Variants in DPP4 observed in about 807,000 individuals in gnomAD.
The protein encoded by DPP4 is dipeptidyl peptidase 4, also known as ADCP-2.
In DPP4, 93 loss-of-function variants were observed where a neutral mutation model predicts 122.4. That is an observed-to-expected ratio of 0.76 (90% CI 0.64 to 0.90). DPP4 has a LOEUF of 0.90. Among genes scored for constraint, DPP4 ranks in the 40% least tolerant of loss-of-function variants. The pLI, the probability that DPP4 is intolerant of heterozygous loss-of-function variation, is 0.00. For synonymous variants in DPP4, 321 were observed against 302.9 expected (o/e 1.06, Z -0.62); for missense variants, 914 against 907.3 (o/e 1.01, Z -0.09).
chr2:162,043,536 C>T (rs1299606199), intron 5 of DPP4, among the ~76,000 whole-genome samples: 1 of 152,190 alleles, frequency 6.6e-6, no homozygotes, highest in Non-Finnish European at 1.5e-5. Flanking sequence ...CGTGGCTGGC[C>T]AACTAAGGGC....
chr2:162,047,452 G>A lies in DPP4; in HGVS notation c.144C>T (p.Tyr48=), dbSNP rs1307894243. ...ACTTCAGTCTATAAGTATTTTTTAA[G>A]TAATCAGTTAGAGTGTAAGTTTTGC... ...DSRKTYTLTD[Y]LKNTYRLKLY... Residue 48 remains tyrosine, a synonymous_variant, in exon 3 of 26, where the codon TAC becomes TAT. Transcript: ENST00000360534. 1 of 1,589,298 alleles carries A rather than the reference G, an allele frequency of 6.3e-7. No individual in the cohort carries two copies. The highest frequency in any genetic ancestry group is 2.3e-5 in the East Asian group (1 of 44,436).
chr2:162,073,929 G>A, intron 1 of DPP4, 47 bp downstream of exon 1: 1 of 1,608,242 alleles, frequency 6.2e-7, no homozygotes, highest in South Asian at 1.1e-5. Flanking sequence ...GTTTGGCGAA[G>A]AGGTCCCCAC....
intron 10 of DPP4, among the ~76,000 whole-genome samples, chr2:162,030,913 C>T (rs934707507): frequency 4.6e-5 from 7 of 152,164 alleles, no homozygotes; most frequent in Admixed American, 2.6e-4. Flanking sequence ...AACTTATTGA[C>T]GAATTCACAT....
intron 23 of DPP4, among the ~76,000 whole-genome samples, chr2:161,999,224 T>G (rs1393223201): frequency 6.6e-6 from 1 of 152,176 alleles, no homozygotes; most frequent in Non-Finnish European, 1.5e-5. Context: ...TATGGCACAC[T>G]TTAAGCTGTA....
intron 2 of DPP4, among the ~76,000 whole-genome samples, chr2:162,061,006 CTCCTTCCTTCCT>C (rs1235608036): frequency 7.4e-5 from 6 of 81,470 alleles, no homozygotes; most frequent in African/African-American, 2.5e-4. Flanking sequence ...CCCTCCCTCC[CTCCTTCCTTCCT>C]TCCTTCCTTC....
At chr2:162,006,102 G>A (rs776036255) in intron 22 of DPP4, among the ~76,000 whole-genome samples, 2 of 152,118 alleles carry the variant, frequency 1.3e-5, no homozygotes, top group Non-Finnish European at 2.9e-5. Context: ...TTTCCCTTAC[G>A]ATGGGGCAAA....
chr2:162,068,972 C>T (rs749583537), intron 2 of DPP4, among the ~76,000 whole-genome samples: 1 of 152,110 alleles, frequency 6.6e-6, no homozygotes, highest in Non-Finnish European at 1.5e-5. Flanking sequence ...ATCCTTCAGC[C>T]CCAGTCAGGC....
intron 20 of DPP4, among the ~76,000 whole-genome samples, chr2:162,010,847 A>G (rs1444933143): frequency 6.6e-6 from 1 of 152,078 alleles, no homozygotes; most frequent in Non-Finnish European, 1.5e-5. Flanking sequence ...TTCATCATTC[A>G]TGGATCCTTC....
intron 2 of DPP4, among the ~76,000 whole-genome samples, chr2:162,052,577 A>G (rs1393256955): frequency 1.3e-5 from 2 of 152,180 alleles, no homozygotes; most frequent in Admixed American, 6.5e-5. Context: ...AGACAAATGG[A>G]CCTAGAAAGA....
At chr2:162,057,545 A>T (rs1183137979) in intron 2 of DPP4, among the ~76,000 whole-genome samples, 1 of 152,186 alleles carries the variant, frequency 6.6e-6, no homozygotes, top group East Asian at 1.9e-4. Flanking sequence ...CAGCAGTAGC[A>T]CCTGCTCCAG....
chr2:162,047,622 C>G (rs1009411320), intron 2 of DPP4, 121 bp from the exon 3 acceptor site: 2 of 564,810 alleles, frequency 3.5e-6, no homozygotes, highest in African/African-American at 1.9e-5. Context: ...AATATACTCA[C>G]AAAATGCAAG....
intron 2 of DPP4, among the ~76,000 whole-genome samples, chr2:162,053,093 G>A (rs916887383): frequency 6.6e-6 from 1 of 152,198 alleles, no homozygotes; most frequent in African/African-American, 2.4e-5. Context: ...TAATCATAAG[G>A]GAAGATTTGG....
chr2:162,037,421 A>G (rs1683817730), intron 8 of DPP4, among the ~76,000 whole-genome samples: 1 of 152,182 alleles, frequency 6.6e-6, no homozygotes, highest in Non-Finnish European at 1.5e-5. Context: ...GGACATGAAA[A>G]GTTATCTTTC....
chr2:162,052,318 CAA>C (rs35326408), intron 2 of DPP4, among the ~76,000 whole-genome samples: 1,138 of 64,778 alleles, frequency 0.018, 7 homozygotes, highest in East Asian at 0.068. Flanking sequence ...AACTCCATCT[CAA>C]AAAAAAAAAA....
chr2:162,071,212 T>C (rs910931758), intron 2 of DPP4, among the ~76,000 whole-genome samples: 2 of 152,174 alleles, frequency 1.3e-5, no homozygotes, highest in Admixed American at 6.5e-5. Context: ...GGGCCCTGGA[T>C]CCTTTTATAA....
At chr2:162,054,590 C>T (rs1268836281) in intron 2 of DPP4, among the ~76,000 whole-genome samples, 5 of 152,124 alleles carry the variant, frequency 3.3e-5, no homozygotes, top group Non-Finnish European at 1.5e-5. Flanking sequence ...GCTCCCCACT[C>T]ATGAATGGTT....
intron 10 of DPP4, among the ~76,000 whole-genome samples, chr2:162,029,208 T>C (rs944418292): frequency 4.6e-5 from 7 of 152,230 alleles, no homozygotes; most frequent in Non-Finnish European, 1.0e-4. Flanking sequence ...TAAATGTTTG[T>C]TGGGTAATAT....
chr2:162,033,061 T>G (rs982782270), intron 10 of DPP4, among the ~76,000 whole-genome samples: 4 of 152,196 alleles, frequency 2.6e-5, no homozygotes, highest in African/African-American at 9.6e-5. Flanking sequence ...CAAGCACATC[T>G]CCTCTGCAGG....
Position 162,057,189 on chromosome 2 carries a change from T to G in DPP4, c.95-9688A>C, listed in dbSNP as rs143881667. On this transcript the variant is annotated intron_variant, in intron 2 of 25. Transcript: ENST00000360534. The stretch of plus-strand genomic sequence containing the variant: ...GGCTGTTCCTGTGACTATGAAATTC[T>G]CTATTGCAATATCACTGTCACAGTG... 2.9e-4 allele frequency among the ~76,000 whole-genome samples: 44 copies of G among 152,330 alleles called. No homozygotes were observed. In the East Asian group the frequency reaches 4.1e-3, roughly 14 times the overall value.
Sources: gnomAD v4.1 joint callset for allele counts (sites outside exome capture counted in the v4.1 genomes callset) on GRCh38, gnomAD v4.1.1 for gene constraint, MANE v1.5 for transcripts, NCBI Gene and HGNC (gene_info 2026-07-23, HGNC 2026-07-21) for gene names.